The following ENKUR variants were observed in gnomAD, a reference collection of about 807,000 sequenced individuals.
ENKUR encodes the protein enkurin.
Under a neutral mutation model 27.6 loss-of-function variants are expected in ENKUR, and 19 were observed. That is an observed-to-expected ratio of 0.69 (90% CI 0.48 to 1.01). The LOEUF (loss-of-function observed/expected upper bound fraction) is 1.01. ENKUR is among the 50% of genes least tolerant of loss of function. The pLI, the probability that ENKUR is intolerant of heterozygous loss-of-function variation, is 0.00. For missense variants in ENKUR, 312 were observed against 310.5 expected (o/e 1.00, Z -0.04); for synonymous variants, 117 against 96.9 (o/e 1.21, Z -1.22).
intron 2 of ENKUR, chr10:25,024,834 C>T (rs1564350640): frequency 6.2e-7 from 1 of 1,614,096 alleles, no homozygotes; most frequent in East Asian, 2.2e-5. Flanking sequence ...CTAATCAGAA[C>T]CATGTTTTGA....
intron 2 of ENKUR, among the ~76,000 whole-genome samples, chr10:25,032,219 G>C (rs10764518): frequency 0.24 from 36,982 of 151,668 alleles, 5,591 homozygotes; most frequent in East Asian, 0.5. Context: ...GGCTATTTCA[G>C]TGGGTACCGT....
chr10:24,984,867 G>C lies in ENKUR; in HGVS notation c.633C>G (p.Phe211Leu). The change falls in exon 5 of 6, where the codon TTC (phenylalanine) becomes TTG (leucine). Residue 211 changes from phenylalanine (F) to leucine (L), a missense_variant. Coordinates refer to ENST00000331161, the MANE Select transcript of ENKUR (RefSeq NM_145010.4). The part of the protein sequence containing the change: ...KKNWEEVHKE[F>L]QSLSVFIDSI... ...AATCTATAAAGACCGAGAGGGACTG[G>C]AATTCTTTATGCACCTCTTCCCAGT... The C allele has an allele frequency of 4.3e-6, 7 of 1,613,454 alleles. No homozygotes were observed. Among genetic ancestry groups the C allele is most frequent in the Non-Finnish European group, 5.1e-6 (6 of 1,179,786 alleles).
At chr10:25,039,090 A>G (rs1851036100) in intron 2 of ENKUR, among the ~76,000 whole-genome samples, 1 of 152,240 alleles carries the variant, frequency 6.6e-6, no homozygotes, top group Non-Finnish European at 1.5e-5. Flanking sequence ...GGATTTTCAA[A>G]TATACCTTTG....
At chr10:25,023,102 G>T in intron 2 of ENKUR, 2 of 921,688 alleles carry the variant, frequency 2.2e-6, no homozygotes, top group South Asian at 3.5e-5. Flanking sequence ...GTCCTATTGG[G>T]ATTTTAACAA....
intron 3 of ENKUR, among the ~76,000 whole-genome samples, chr10:24,994,397 G>A (rs1564337317): frequency 2.7e-5 from 4 of 148,480 alleles, no homozygotes; most frequent in African/African-American, 7.5e-5. Context: ...GCAGTGACGC[G>A]ACCTTGGCTC....
intron 1 of ENKUR, among the ~76,000 whole-genome samples, chr10:25,012,033 T>C (rs1420687431): frequency 6.6e-6 from 1 of 152,102 alleles, no homozygotes; most frequent in Non-Finnish European, 1.5e-5. Flanking sequence ...GTGCCCTGAG[T>C]CACAGCCATG....
intron 2 of ENKUR, among the ~76,000 whole-genome samples, chr10:25,039,782 C>T: frequency 6.6e-6 from 1 of 152,060 alleles, no homozygotes; most frequent in East Asian, 1.9e-4. Context: ...ATGCAGAACT[C>T]AGTGTAGAAG....
Position 24,999,419 on chromosome 10 carries a change from C to T in ENKUR, c.205G>A (p.Glu69Lys), listed in dbSNP as rs1234505032. 8 of 1,607,712 alleles carry T rather than the reference C, an allele frequency of 5.0e-6. No individual in the cohort carries two copies. The African/African-American group carries it at 9.4e-5, about 19-fold the overall frequency. The change falls in exon 2 of 6, where the codon GAA (glutamate) becomes AAA (lysine). Residue 69 changes from glutamate (E) to lysine (K), a missense_variant. Glu to Lys is a moderately conservative substitution (Grantham distance 56). Transcript: ENST00000331161. ...AACCTACTGGGTGGTAGAGTTTTTT[C>T]CTTTGAATGTTTCTTTAGGAAATCC... ...PKDFLKKHSK[E>K]KTLPPKKNFD...
At chr10:25,027,524 G>C in intron 2 of ENKUR, among the ~76,000 whole-genome samples, 1 of 144,146 alleles carries the variant, frequency 6.9e-6, no homozygotes, top group Non-Finnish European at 1.5e-5. Flanking sequence ...GGCAACAAGA[G>C]CAAAACTCCG....
chr10:25,060,686 G>C (rs1851316575), intron 2 of ENKUR, among the ~76,000 whole-genome samples: 1 of 152,054 alleles, frequency 6.6e-6, no homozygotes, highest in South Asian at 2.1e-4. Flanking sequence ...AGCAGTGCTA[G>C]GGAAAGATGA....
chr10:25,024,914 T>C (rs756982622), intron 2 of ENKUR: 5 of 1,613,790 alleles, frequency 3.1e-6, no homozygotes, highest in African/African-American at 2.7e-5. Flanking sequence ...TCACCGTCAA[T>C]AGATATTCTC....
chr10:24,984,985 A>G, intron 4 of ENKUR, 80 bp from the exon 5 acceptor site: 1 of 1,079,908 alleles, frequency 9.3e-7, no homozygotes, highest in East Asian at 2.4e-5. Context: ...TTGGTAATGA[A>G]AAATGTCAAT....
intron 2 of ENKUR, among the ~76,000 whole-genome samples, chr10:25,058,430 A>G (rs545486103): frequency 6.6e-6 from 1 of 152,232 alleles, no homozygotes; most frequent in South Asian, 2.1e-4. Context: ...CTGGTGTCAA[A>G]TTCCTGGCCT....
In ENKUR at chr10:24,983,283, T is replaced by C. The variant is rs1400108610; in HGVS notation, c.*1087A>G. 1 of 152,092 alleles carries C rather than the reference T, an allele frequency of 6.6e-6. No homozygotes were observed. The highest frequency in any genetic ancestry group is 1.5e-5 in the Non-Finnish European group (1 of 68,016). 9.4% of individuals were successfully genotyped at this position (152,092 alleles called of 1,614,324 possible). A position where few individuals can be genotyped will look rare whatever the true frequency, so the allele number is the denominator to read the frequency against. On this transcript the variant is annotated 3_prime_UTR_variant, in exon 6 of 6. Transcript: ENST00000331161. ...ATGCAAACGGGAATGATATGCATCATTTCTAGGCCTGGCCTGTACGTGCCT... is the reference window on the plus strand; with the variant it reads ...ATGCAAACGGGAATGATATGCATCACTTCTAGGCCTGGCCTGTACGTGCCT...
intron 1 of ENKUR, among the ~76,000 whole-genome samples, chr10:25,002,894 G>A (rs1492608): frequency 0.33 from 50,554 of 151,176 alleles, 8,701 homozygotes; most frequent in East Asian, 0.5. Context: ...ATATGGTCTC[G>A]TGATTAATAA....
chr10:25,023,574 A>G (rs756477828), intron 2 of ENKUR: 1 of 1,614,146 alleles, frequency 6.2e-7, no homozygotes, highest in Non-Finnish European at 8.5e-7. Context: ...AGGAAGGAAA[A>G]GCTGTGTTAA....
At chr10:25,018,742 T>C (rs1278023944), upstream of ENKUR, among the ~76,000 whole-genome samples, 1 of 140,376 alleles carries the variant, frequency 7.1e-6, no homozygotes, top group African/African-American at 2.6e-5. Flanking sequence ...TATAAGACAA[T>C]TGGAAGGTAA....
At chr10:25,024,107 T>C (rs1448912726) in intron 2 of ENKUR, 4 of 1,614,062 alleles carry the variant, frequency 2.5e-6, no homozygotes, top group Non-Finnish European at 3.4e-6. Context: ...GCACAGATAC[T>C]GTTGGAAAGA....
chr10:24,998,411 G>T (rs905954117), intron 2 of ENKUR, among the ~76,000 whole-genome samples: 5 of 120,690 alleles, frequency 4.1e-5, no homozygotes, highest in Non-Finnish European at 6.4e-5. Flanking sequence ...GTCTCACTTT[G>T]TTGTCCAGGC....
Sources: allele counts gnomAD v4.1 joint callset (sites outside exome capture counted in the v4.1 genomes callset), GRCh38; gene constraint gnomAD v4.1.1; transcripts MANE v1.5; gene names NCBI Gene and HGNC (gene_info 2026-07-23, HGNC 2026-07-21).